RCL1: variants seen among roughly 807,000 people sequenced by gnomAD.
RCL1 encodes RNA 3'-terminal phosphate cyclase-like protein.
A neutral mutation model predicts 42.4 loss-of-function variants in RCL1; 24 were observed. The observed-to-expected ratio is 0.57, with a 90% CI of 0.41 to 0.80. RCL1 has a LOEUF of 0.80. Ranked by LOEUF, RCL1 falls within the 30% of genes least tolerant of loss-of-function variation. The probability of loss-of-function intolerance (pLI) is 0.00; values close to 1 mark genes in which losing one functional copy is unlikely to be tolerated. For synonymous variants in RCL1, 228 were observed against 177.3 expected (o/e 1.29, Z -2.27); for missense variants, 578 against 467.9 (o/e 1.24, Z -2.17).
chr9:4,850,482 C>CTT (rs112829690), intron 8 of RCL1: 72 of 114,364 alleles, frequency 6.3e-4, no homozygotes, highest in South Asian at 1.1e-3. Context: ...CTTATGGAGG[C>CTT]TTTTTTTTTT....
intron 2 of RCL1, among the ~76,000 whole-genome samples, chr9:4,825,152 G>A (rs140475723): frequency 2.5e-3 from 383 of 151,924 alleles, no homozygotes; most frequent in African/African-American, 8.8e-3. Context: ...CAAAGTGTTG[G>A]GATTACAGGC....
intron 1 of RCL1, among the ~76,000 whole-genome samples, chr9:4,801,073 G>A (rs1414465827): frequency 1.3e-5 from 2 of 152,312 alleles, no homozygotes; most frequent in African/African-American, 4.8e-5. Context: ...ATGCCCCAGG[G>A]TGGTCTTAAT....
chr9:4,823,422 GGT>G, intron 1 of RCL1, 124 bp from the exon 2 acceptor site: 1 of 654,004 alleles, frequency 1.5e-6, no homozygotes, highest in South Asian at 2.1e-5. Context: ...GGAAAGCCCA[GGT>G]GTGATGCAGG....
rs1171074382 is a variant in RCL1, at chr9:4,841,213, C to T, written c.585-19C>T. 2 of 1,613,924 alleles carry T rather than the reference C, an allele frequency of 1.2e-6. No homozygotes were observed. The highest frequency in any genetic ancestry group is 1.7e-6 in the Non-Finnish European group (2 of 1,179,880). ...TCCTGGAATTCAAGCAGAATGACAT[C>T]CTTAACTCCAGGCTGCAGGTACTCT... On this transcript the variant is annotated intron_variant, in intron 5 of 8. Transcript: ENST00000381750.
At chr9:4,822,230 A>G (rs1816618344) in intron 1 of RCL1, among the ~76,000 whole-genome samples, 2 of 152,250 alleles carry the variant, frequency 1.3e-5, no homozygotes, top group South Asian at 4.1e-4. Context: ...CTTTGGGATC[A>G]GTTTAGGTGA....
In RCL1 at chr9:4,860,021, C is replaced by G. The variant is rs999147921; in HGVS notation, c.972-104C>G. 1.4e-5 allele frequency: 10 copies of G among 720,012 alleles called. No homozygotes were observed. The South Asian group carries it at 2.5e-4, about 18-fold the overall frequency. 44.6% of individuals were successfully genotyped at this position (720,012 alleles called of 1,614,324 possible). ...TCGATGAGAAGGTCTTAACTTCAGC[C>G]CTCTAGGTCTGGGAGATTAAAACCT... On this transcript the variant is annotated intron_variant, in intron 8 of 8. Transcript: ENST00000381750.
Position 4,860,487 on chromosome 9 carries a change from C to A in RCL1, c.*212C>A. 1 of 545,702 alleles carries A rather than the reference C, an allele frequency of 1.8e-6. No individual in the cohort carries two copies. The highest frequency in any genetic ancestry group is 3.5e-5 in the East Asian group (1 of 28,390). The allele number at this position is 545,702 out of a possible 1,614,324, so 33.8% of individuals were successfully genotyped here. Reference sequence around the variant, plus strand: ...TGGCATTGCCATTGCCCAGGAGGGGCCCAGTCACCATGAGAGCTCCCTTGC... The same window carrying A: ...TGGCATTGCCATTGCCCAGGAGGGGACCAGTCACCATGAGAGCTCCCTTGC... On this transcript the variant is annotated 3_prime_UTR_variant, in exon 9 of 9. Coordinates refer to ENST00000381750, the MANE Select transcript of RCL1 (RefSeq NM_005772.5).
intron 5 of RCL1, among the ~76,000 whole-genome samples, chr9:4,834,958 C>A (rs1817072702): frequency 6.6e-6 from 1 of 152,116 alleles, no homozygotes; most frequent in Non-Finnish European, 1.5e-5. Flanking sequence ...AAAGTACAGG[C>A]ATTTAATTTT....
chr9:4,797,465 AACCAGGGGC>A (rs1488809492), intron 1 of RCL1, among the ~76,000 whole-genome samples: 1 of 152,202 alleles, frequency 6.6e-6, no homozygotes, highest in African/African-American at 2.4e-5. Flanking sequence ...AGTAGTTTTC[AACCAGGGGC>A]ACTTTTGTTC....
At chr9:4,857,650 A>G (rs541982410) in intron 8 of RCL1, among the ~76,000 whole-genome samples, 3 of 152,306 alleles carry the variant, frequency 2.0e-5, no homozygotes, top group African/African-American at 7.2e-5. Flanking sequence ...ACCGTATCCT[A>G]TGGTAACTCC....
In RCL1 at chr9:4,828,722, C is replaced by A. The variant is rs538922613; in HGVS notation, c.384+1689C>A. ...CTGTTTTGTGCTTTTTTTTTCTATA[C>A]TTGCTAATTATCTTAAAAGCTTTTC... On this transcript the variant is annotated intron_variant, in intron 3 of 8. Transcript: ENST00000381750. Among the ~76,000 whole-genome samples the A allele has an allele frequency of 5.3e-5, 8 of 151,942 alleles. 1 individual carries two copies. In the East Asian group the frequency reaches 1.2e-3, roughly 22 times the overall value.
At chr9:4,835,317 CAT>C (rs1817086037) in intron 5 of RCL1, among the ~76,000 whole-genome samples, 1 of 152,162 alleles carries the variant, frequency 6.6e-6, no homozygotes, top group Non-Finnish European at 1.5e-5. Context: ...ATAAACAAAA[CAT>C]AGCTTCCTGG....
chr9:4,807,160 C>A (rs940930875), intron 1 of RCL1, among the ~76,000 whole-genome samples: 1 of 152,054 alleles, frequency 6.6e-6, no homozygotes, highest in Admixed American at 6.6e-5. Flanking sequence ...GTGTCCTCAC[C>A]TTTTAGTTCA....
intron 6 of RCL1, among the ~76,000 whole-genome samples, chr9:4,844,301 CT>C (rs1167741986): frequency 6.6e-6 from 1 of 152,102 alleles, no homozygotes; most frequent in Non-Finnish European, 1.5e-5. Context: ...TAGAATTGAG[CT>C]GTCAAATCTT....
At chr9:4,806,911 C>A (rs1815996575) in intron 1 of RCL1, among the ~76,000 whole-genome samples, 1 of 152,110 alleles carries the variant, frequency 6.6e-6, no homozygotes, top group African/African-American at 2.4e-5. Flanking sequence ...TTATGCATTT[C>A]ATTTCCTGAA....
rs12349418 is a variant in RCL1, at chr9:4,841,503, A to T, written c.710+146A>T. ...TTCTTTCTGCCTTATTGCCGTTGTCACCAACAGGCATTTCTTGAGTGCCTG... is the reference window on the plus strand; with the variant it reads ...TTCTTTCTGCCTTATTGCCGTTGTCTCCAACAGGCATTTCTTGAGTGCCTG... On this transcript the variant is annotated intron_variant, in intron 6 of 8. Coordinates refer to ENST00000381750, the MANE Select transcript of RCL1 (RefSeq NM_005772.5). 8.3e-3 allele frequency: 5,585 copies of T among 676,700 alleles called. 185 individuals carry two copies. The highest frequency in any genetic ancestry group is 0.076 in the African/African-American group (4,212 of 55,690). 41.9% of individuals were successfully genotyped at this position (676,700 alleles called of 1,614,324 possible). A position where few individuals can be genotyped will look rare whatever the true frequency, so the allele number is the denominator to read the frequency against.
intron 1 of RCL1, among the ~76,000 whole-genome samples, chr9:4,799,018 C>T (rs760582244): frequency 7.1e-6 from 1 of 140,046 alleles, no homozygotes. Context: ...CCTTCCCTCC[C>T]TCCCTGTCTT....
chr9:4,817,321 C>G (rs186427340), intron 1 of RCL1, among the ~76,000 whole-genome samples: 247 of 151,946 alleles, frequency 1.6e-3, no homozygotes, highest in African/African-American at 5.8e-3. Context: ...AATGGAGAAT[C>G]GTTTACCATA....
intron 1 of RCL1, among the ~76,000 whole-genome samples, chr9:4,822,476 C>T (rs922020586): frequency 1.2e-4 from 18 of 152,260 alleles, no homozygotes; most frequent in Non-Finnish European, 2.5e-4. Context: ...CTATTCTCTT[C>T]CTTTCCCCTT....
Sources: gnomAD v4.1 joint callset for allele counts (sites outside exome capture counted in the v4.1 genomes callset) on GRCh38, gnomAD v4.1.1 for gene constraint, MANE v1.5 for transcripts, NCBI Gene and HGNC (gene_info 2026-07-23, HGNC 2026-07-21) for gene names.